Variants in NRG1 observed in about 807,000 individuals in gnomAD.
NRG1 encodes pro-neuregulin-1, membrane-bound isoform.
In NRG1, 18 loss-of-function variants were observed where a neutral mutation model predicts 63.8. That is an observed-to-expected ratio of 0.28 (90% confidence interval 0.19 to 0.42). The LOEUF is 0.42. Among genes scored for constraint, NRG1 ranks in the 10% least tolerant of loss-of-function variants. The pLI, the probability that NRG1 is intolerant of heterozygous loss-of-function variation, is 1.00. For missense variants in NRG1, 762 were observed against 814.7 expected (o/e 0.94, Z 0.79); for synonymous variants, 302 against 301.3 (o/e 1.00, Z -0.02).
chr8:32,020,176 T>C (rs1816208198), intron 1 of NRG1, among the ~76,000 whole-genome samples: 1 of 152,228 alleles, frequency 6.6e-6, no homozygotes, highest in Non-Finnish European at 1.5e-5. Context: ...TTAGTTCATT[T>C]CTTTCACTAA....
intron 1 of NRG1, among the ~76,000 whole-genome samples, chr8:31,982,818 G>A (rs886251579): frequency 4.6e-5 from 7 of 152,124 alleles, no homozygotes; most frequent in East Asian, 1.9e-4. Context: ...TTAGTTCCCA[G>A]AGGCTATTGG....
intron 1 of NRG1, among the ~76,000 whole-genome samples, chr8:31,763,397 A>G (rs1212221591): frequency 6.6e-6 from 1 of 152,202 alleles, no homozygotes; most frequent in Non-Finnish European, 1.5e-5. Flanking sequence ...TGCCGTTTAG[A>G]TACCATTTAA....
intron 5 of NRG1, among the ~76,000 whole-genome samples, chr8:32,703,954 T>G (rs1425951975): frequency 6.6e-6 from 1 of 152,220 alleles, no homozygotes; most frequent in East Asian, 1.9e-4. Flanking sequence ...ATTGGCACAC[T>G]GATTAATTTC....
In NRG1 at chr8:31,640,657, G is replaced by A; in HGVS notation, c.37+1226G>A. The A allele has an allele frequency of 6.2e-7, 1 of 1,609,040 alleles. No individual in the cohort carries two copies. Among genetic ancestry groups the A allele is most frequent in the Non-Finnish European group, 8.5e-7 (1 of 1,178,462 alleles). On this transcript the variant is annotated intron_variant, in intron 1 of 10. Transcript: ENST00000519301. The surrounding 1 kb of genome is among the most constrained non-coding windows in gnomAD (Gnocchi z 6.3). Reference sequence around the variant, plus strand: ...CAGCCGCGCGCCGGCCGCCTTCCGAGCCTCTTTCCCCCCTCTGGAGACGGG... The same window carrying A: ...CAGCCGCGCGCCGGCCGCCTTCCGAACCTCTTTCCCCCCTCTGGAGACGGG...
In NRG1 at chr8:32,162,707, T is replaced by A. The variant is rs376997770; in HGVS notation, c.38-433121T>A. The stretch of plus-strand genomic sequence containing the variant: ...AAATTTGTGATTAATCCTGGGTGTC[T>A]TGAAAATTGGAGAGTGGGTTAGCAA... On this transcript the variant is annotated intron_variant, in intron 1 of 10. Coordinates refer to the NRG1 transcript ENST00000519301. Among the ~76,000 whole-genome samples, 14 of 152,190 alleles carry A rather than the reference T, an allele frequency of 9.2e-5. 1 individual carries two copies. The highest frequency in any genetic ancestry group is 3.1e-4 in the African/African-American group (13 of 41,564).
At chr8:32,544,504 T>G (rs1435843293), upstream of NRG1, among the ~76,000 whole-genome samples, 2 of 149,564 alleles carry the variant, frequency 1.3e-5, no homozygotes, top group Non-Finnish European at 3.0e-5. Context: ...TATTTATTTA[T>G]TTATTTATTT....
intron 1 of NRG1, among the ~76,000 whole-genome samples, chr8:32,305,099 C>G (rs1313015574): frequency 6.6e-6 from 1 of 152,002 alleles, no homozygotes; most frequent in Non-Finnish European, 1.5e-5. Flanking sequence ...TAATTTCATA[C>G]ATATTAACCA....
chr8:32,113,839 T>C (rs1832356197), intron 1 of NRG1, among the ~76,000 whole-genome samples: 1 of 152,228 alleles, frequency 6.6e-6, no homozygotes, highest in Non-Finnish European at 1.5e-5. Flanking sequence ...CTTTTAGTTG[T>C]CTCTGTGTGT....
chr8:31,764,720 T>C (rs1428817589), intron 1 of NRG1, among the ~76,000 whole-genome samples: 1 of 152,210 alleles, frequency 6.6e-6, no homozygotes, highest in East Asian at 1.9e-4. Context: ...ATATGTATCC[T>C]CATTTACTTA....
At chr8:32,638,365 C>T (rs1040261066) in intron 5 of NRG1, among the ~76,000 whole-genome samples, 1 of 152,154 alleles carries the variant, frequency 6.6e-6, no homozygotes, top group African/African-American at 2.4e-5. Context: ...GCAGCTCCAA[C>T]ATTCAGTCAA....
At chr8:32,142,030 G>A (rs1836344051) in intron 1 of NRG1, among the ~76,000 whole-genome samples, 1 of 152,022 alleles carries the variant, frequency 6.6e-6, no homozygotes, top group African/African-American at 2.4e-5. Context: ...AGTTTCCTGG[G>A]CAAGGGCTCG....
intron 9 of NRG1, among the ~76,000 whole-genome samples, chr8:32,758,718 T>G (rs2129056581): frequency 6.6e-6 from 1 of 152,284 alleles, no homozygotes; most frequent in Non-Finnish European, 1.5e-5. Context: ...ACAACAATTG[T>G]TAAGTCCCTT....
At chr8:31,745,288 C>A (rs80023474) in intron 1 of NRG1, among the ~76,000 whole-genome samples, 2 of 151,894 alleles carry the variant, frequency 1.3e-5, no homozygotes, top group Non-Finnish European at 2.9e-5. Flanking sequence ...ACGGCCTGCG[C>A]AAACACACTT....
rs151155463 is a variant in NRG1 at position 31,814,279 on chromosome 8, G to C, written c.37+174848G>C. On this transcript the variant is annotated intron_variant, in intron 1 of 10. Transcript: ENST00000519301. The stretch of plus-strand genomic sequence containing the variant: ...CTAGCTACCTGGAATAAAACACCCA[G>C]TGTAGTGTCTGGGATCCAGTGGGCA... 2.6e-3 allele frequency among the ~76,000 whole-genome samples: 402 copies of C among 152,322 alleles called. 2 individuals are homozygous for C. The Middle Eastern group carries it at 0.031, about 12-fold the overall frequency.
intron 1 of NRG1, among the ~76,000 whole-genome samples, chr8:32,423,518 G>T (rs908287570): frequency 1.3e-5 from 2 of 152,012 alleles, no homozygotes. Flanking sequence ...GGTGGCTCTC[G>T]CCAGTGGTCC....
At chr8:32,346,834 C>CTT (rs113955833) in intron 1 of NRG1, among the ~76,000 whole-genome samples, 1 of 144,836 alleles carries the variant, frequency 6.9e-6, no homozygotes, top group African/African-American at 2.5e-5. Context: ...TTTATCTTAT[C>CTT]TTTTTTTTTT....
intron 1 of NRG1, among the ~76,000 whole-genome samples, chr8:32,494,612 T>G (rs1826979697): frequency 6.6e-6 from 1 of 152,184 alleles, no homozygotes; most frequent in African/African-American, 2.4e-5. Flanking sequence ...AAAAAGAATT[T>G]TATTTAGTGG....
chr8:32,206,202 T>C (rs1363919756), intron 1 of NRG1, among the ~76,000 whole-genome samples: 1 of 152,168 alleles, frequency 6.6e-6, no homozygotes, highest in Admixed American at 6.5e-5. Context: ...TTTATCTCTT[T>C]TGGTAGCAGA....
At position 32,231,827 on chromosome 8, in the gene NRG1, G is replaced by A. The variant is rs186978825; in HGVS notation, c.38-364001G>A. ...TGAGACAGAATTGAATTCGAGAGGC[G>A]GAGGCTGCAGTGAGCCGAGATCATA... On this transcript the variant is annotated intron_variant, in intron 1 of 10. Transcript: ENST00000519301. Among the ~76,000 whole-genome samples the A allele has an allele frequency of 3.9e-3, 585 of 151,338 alleles. 10 individuals are homozygous for A. Among genetic ancestry groups the A allele is most frequent in the Admixed American group, 0.033 (500 of 15,212 alleles).
Sources: allele counts gnomAD v4.1 joint callset (sites outside exome capture counted in the v4.1 genomes callset), GRCh38; gene constraint gnomAD v4.1.1; non-coding constraint Gnocchi (gnomAD v3.1); transcripts MANE v1.5; gene names NCBI Gene and HGNC (gene_info 2026-07-23, HGNC 2026-07-21).